Variants in BRD10 observed in about 807,000 individuals in gnomAD.
BRD10 encodes the protein uncharacterized bromodomain-containing protein 10.
At chr9:5,939,935 A>G in the BRD10 span, among the ~76,000 whole-genome samples, 2 of 152,222 alleles carry the variant, frequency 1.3e-5, no homozygotes, top group African/African-American at 4.8e-5. Flanking sequence ...CCACTGGCTT[A>G]TACAGAACTC....
At chr9:5,936,726 AT>A in the BRD10 span, among the ~76,000 whole-genome samples, 2 of 152,220 alleles carry the variant, frequency 1.3e-5, no homozygotes, top group Non-Finnish European at 2.9e-5. Flanking sequence ...CTTTCCAAAG[AT>A]TTTTATATCT....
chr9:5,937,647 T>C, the BRD10 span, among the ~76,000 whole-genome samples: 1 of 152,256 alleles, frequency 6.6e-6, no homozygotes, highest in Non-Finnish European at 1.5e-5. Flanking sequence ...ATAAATGGAA[T>C]ATACAGCATT....
the BRD10 span, among the ~76,000 whole-genome samples, chr9:5,912,525 C>G: frequency 6.6e-6 from 1 of 152,126 alleles, no homozygotes. Context: ...ATACTGAAAT[C>G]CAGGGCTGTT....
the BRD10 span, among the ~76,000 whole-genome samples, chr9:5,983,752 C>T: frequency 2.6e-5 from 4 of 152,010 alleles, no homozygotes; most frequent in African/African-American, 9.7e-5. Flanking sequence ...CATAAGCTCA[C>T]ACCAAATGCA....
At chr9:5,972,279 A>G in the BRD10 span, among the ~76,000 whole-genome samples, 2 of 152,212 alleles carry the variant, frequency 1.3e-5, no homozygotes, top group African/African-American at 2.4e-5. Context: ...AGTGAAAAGA[A>G]ACTGAAAACA....
the BRD10 span, among the ~76,000 whole-genome samples, chr9:5,967,393 C>T: frequency 2.0e-5 from 3 of 152,068 alleles, no homozygotes; most frequent in Admixed American, 6.5e-5. Flanking sequence ...TTTAAATAGG[C>T]TGTTGACAAA....
the BRD10 span, among the ~76,000 whole-genome samples, chr9:5,963,750 G>A: frequency 1.2e-3 from 182 of 151,980 alleles, 1 homozygote; most frequent in African/African-American, 4.0e-3. Context: ...AAATAATGCC[G>A]CATACCTACA....
At chr9:5,889,709 TG>T in the BRD10 span, among the ~76,000 whole-genome samples, 5 of 151,938 alleles carry the variant, frequency 3.3e-5, no homozygotes, top group Non-Finnish European at 5.9e-5. Context: ...TGCTTGAACC[TG>T]GGAGGCAGAG....
At chr9:5,959,135 T>G in the BRD10 span, among the ~76,000 whole-genome samples, 1 of 152,182 alleles carries the variant, frequency 6.6e-6, no homozygotes, top group Non-Finnish European at 1.5e-5. Flanking sequence ...CTGCTACTTA[T>G]TGCAGCATCT....
chr9:5,891,033 C>T, the BRD10 span: 4 of 152,166 alleles, frequency 2.6e-5, no homozygotes, highest in South Asian at 2.1e-4. Context: ...CTCATTGCCC[C>T]GCTGATGTGT....
chr9:5,984,200 A>T, the BRD10 span, among the ~76,000 whole-genome samples: 8 of 152,142 alleles, frequency 5.3e-5, no homozygotes, highest in Non-Finnish European at 1.2e-4. Flanking sequence ...AAAGGTGTGG[A>T]TTAAATATAA....
the BRD10 span, among the ~76,000 whole-genome samples, chr9:5,906,674 C>T: frequency 3.3e-5 from 5 of 152,192 alleles, no homozygotes; most frequent in Non-Finnish European, 7.3e-5. Flanking sequence ...CTAGTTAATT[C>T]CCACAGCAAT....
At chr9:6,001,453 A>G in the BRD10 span, among the ~76,000 whole-genome samples, 6 of 152,064 alleles carry the variant, frequency 3.9e-5, no homozygotes, top group African/African-American at 1.4e-4. Context: ...ATCATCCTAT[A>G]CTCTAACCAC....
chr9:5,999,626 G>A, the BRD10 span, among the ~76,000 whole-genome samples: 3 of 151,970 alleles, frequency 2.0e-5, no homozygotes, highest in East Asian at 1.9e-4. Flanking sequence ...GGCCCTCACC[G>A]TCACACCTGT....
At chr9:5,954,427 A>T in the BRD10 span, among the ~76,000 whole-genome samples, 1 of 152,234 alleles carries the variant, frequency 6.6e-6, no homozygotes, top group East Asian at 1.9e-4. Context: ...GCAACTTAAG[A>T]TGAGACTACA....
the BRD10 span, chr9:5,968,193 T>A: frequency 1.2e-6 from 2 of 1,612,422 alleles, no homozygotes; most frequent in Non-Finnish European, 1.7e-6. Flanking sequence ...TTTGCCCTCA[T>A]TTTAGTTAGT....
At chr9:5,912,455 G>T in the BRD10 span, among the ~76,000 whole-genome samples, 1 of 152,044 alleles carries the variant, frequency 6.6e-6, no homozygotes, top group Admixed American at 6.6e-5. Flanking sequence ...GGGTTGGGGT[G>T]GGGGGTTGGG....
the BRD10 span, among the ~76,000 whole-genome samples, chr9:5,965,521 AT>A: frequency 1.3e-5 from 2 of 152,214 alleles, no homozygotes; most frequent in Non-Finnish European, 2.9e-5. Context: ...ATTTAGTCTA[AT>A]TCATACATTT....
At chr9:5,946,448 C>T in the BRD10 span, among the ~76,000 whole-genome samples, 2 of 152,136 alleles carry the variant, frequency 1.3e-5, no homozygotes, top group East Asian at 3.9e-4. Flanking sequence ...AAGCAGTGGA[C>T]TGGCCAACCA....
Sources: gnomAD v4.1 joint callset for allele counts (sites outside exome capture counted in the v4.1 genomes callset) on GRCh38, gnomAD v4.1.1 for gene constraint, MANE v1.5 for transcripts, NCBI Gene and HGNC (gene_info 2026-07-23, HGNC 2026-07-21) for gene names.